TTN: variants seen among roughly 807,000 people sequenced by gnomAD.
TTN encodes connectin.
A neutral mutation model predicts 3,223.0 loss-of-function variants in TTN; 1,525 were observed. That is an observed-to-expected ratio of 0.47 (90% confidence interval 0.45 to 0.49). The LOEUF (loss-of-function observed/expected upper bound fraction) is 0.49, where lower values mean the gene tolerates loss of function less well. Among genes scored for constraint, TTN ranks in the 20% least tolerant of loss-of-function variants. The probability of loss-of-function intolerance (pLI) is 0.00; values close to 1 mark genes in which losing one functional copy is unlikely to be tolerated. For missense variants in TTN, 40,786 were observed against 43,424.0 expected (o/e 0.94, Z 5.40); for synonymous variants, 14,094 against 15,161.0 (o/e 0.93, Z 5.17).
chr2:178,649,923 T>C, intron 210 of TTN, 29 bp from the exon 211 acceptor site: 1 of 1,594,800 alleles, frequency 6.3e-7, no homozygotes, highest in Non-Finnish European at 8.5e-7. Context: ...CTTTTAGAAT[T>C]AGGTGATTAC....
Position 178,730,307 on chromosome 2 carries a change from T to A in TTN, c.18093A>T (p.Leu6031Phe), listed in dbSNP as rs775101958. Residue 6031 changes from leucine to phenylalanine, a missense_variant, in exon 62 of 363, where the codon TTA (leucine) becomes TTT (phenylalanine). Physicochemically the swap from Leu to Phe is conservative, Grantham distance 22. Coordinates refer to ENST00000589042, the MANE Select transcript of TTN (RefSeq NM_001267550.2). ...QDVNPNTRVQ[L>F]KALVGGTAPM... ...GTGCAGTGCCACCCACAAGAGCCTT[T>A]AACTGTACCCTTGTGTTGGGATTGA... The A allele has an allele frequency of 6.2e-7, 1 of 1,611,910 alleles. No individual in the cohort carries two copies. Among genetic ancestry groups the A allele is most frequent in the South Asian group, 1.1e-5 (1 of 90,768 alleles).
chr2:178,581,917 C>G lies in TTN; in HGVS notation c.66452G>C (p.Arg22151Pro), dbSNP rs781750042. 3 of 1,613,058 alleles carry G rather than the reference C, an allele frequency of 1.9e-6. No homozygotes were observed. Among genetic ancestry groups the G allele is most frequent in the South Asian group, 1.1e-5 (1 of 91,044 alleles). ...TCATGAACACTTACACTGAGGGTCC[C>G]GAGCATAAGCGGCCTTGGATGCGTC... ...PSDASKAAYA[R>P]DPQYPPGPPA... is the part of the protein sequence containing the mutation. The change falls in exon 315 of 363, where the codon CGG becomes CCG. Residue 22151 changes from arginine (R) to proline (P), a missense_variant. Coordinates refer to ENST00000589042, the MANE Select transcript of TTN (RefSeq NM_001267550.2).
Position 178,696,036 on chromosome 2 carries a change from C to T in TTN, c.31036G>A (p.Glu10346Lys). ...TTTTTAGCTTCTACCTTAATCTCTT[C>T]ATAGTCTTCATCTGGTTCTTCATAA... ...PYYEEPDEDY[E>K]EIKVEAKKEV... The change falls in exon 114 of 363, where the codon GAA becomes AAA. Residue 10346 changes from glutamate to lysine, a missense_variant. Coordinates refer to ENST00000589042, the MANE Select transcript of TTN (RefSeq NM_001267550.2). 2 of 1,550,936 alleles carry T rather than the reference C, an allele frequency of 1.3e-6. No homozygotes were observed. The highest frequency in any genetic ancestry group is 1.7e-6 in the Non-Finnish European group (2 of 1,146,556).
chr2:178,778,278 T>C, intron 24 of TTN: 1 of 357,286 alleles, frequency 2.8e-6, no homozygotes, highest in South Asian at 3.3e-5. Context: ...AATCAGTCAC[T>C]AGACTTTTTT....
At position 178,578,009 on chromosome 2, in the gene TTN, C is replaced by T. The variant is rs1422284948; in HGVS notation, c.68506G>A (p.Val22836Ile). The change falls in exon 322 of 363, where the codon GTT (valine) becomes ATT (isoleucine). Residue 22836 changes from valine (V) to isoleucine (I), a missense_variant. Val to Ile is a conservative substitution (Grantham distance 29, BLOSUM62 3). Coordinates refer to ENST00000589042, the MANE Select transcript of TTN (RefSeq NM_001267550.2). ...TTACCAATTGGGTCCAGTGCCACAA[C>T]AGGCTCTGATGGTAGGCTTGGCTTG... is the stretch of plus-strand genomic sequence containing the variant. ...VGKPSLPSEPVVALDPIDPPG... is the reference protein window; with the variant it reads ...VGKPSLPSEPIVALDPIDPPG... 5 of 1,613,056 alleles carry T rather than the reference C, an allele frequency of 3.1e-6. No individual in the cohort carries two copies. Among genetic ancestry groups the T allele is most frequent in the Middle Eastern group, 1.7e-4 (1 of 6,046 alleles).
chr2:178,769,099 G>T (rs1222248053), intron 37 of TTN, among the ~76,000 whole-genome samples, 166 bp from the exon 38 acceptor site: 2 of 151,938 alleles, frequency 1.3e-5, no homozygotes, highest in Non-Finnish European at 2.9e-5. Flanking sequence ...ACAGGACAGT[G>T]CCAACTCACA....
Position 178,790,004 on chromosome 2 carries a change from C to T in TTN, c.1912G>A (p.Glu638Lys). Reference sequence around the variant, plus strand: ...TTCTCCTGAGTTATTTGCACTTGTTCTCTTTTGGTAGTAATGCCTTCTCTA... The same window carrying T: ...TTCTCCTGAGTTATTTGCACTTGTTTTCTTTTGGTAGTAATGCCTTCTCTA... ...RGREGITTKREQVQITQEKMR... is the reference protein window; with the variant it reads ...RGREGITTKRKQVQITQEKMR... Residue 638 changes from glutamate (E) to lysine (K), a missense_variant, in exon 12 of 363, where the codon GAA becomes AAA. Physicochemically the swap from Glu to Lys is moderately conservative, Grantham distance 56. Transcript: ENST00000589042. 1 of 1,613,030 alleles carries T rather than the reference C, an allele frequency of 6.2e-7. No homozygotes were observed. Among genetic ancestry groups the T allele is most frequent in the South Asian group, 1.1e-5 (1 of 91,056 alleles).
rs1375428423 is a variant in TTN at position 178,593,416 on chromosome 2, C to T, written c.58792G>A (p.Val19598Ile). The change falls in exon 299 of 363, where the codon GTA becomes ATA. Residue 19598 changes from valine (V) to isoleucine (I), a missense_variant. By Grantham distance (29) the Val-to-Ile change is conservative (BLOSUM62 3). Coordinates refer to ENST00000589042, the MANE Select transcript of TTN (RefSeq NM_001267550.2). ...CCATCATGTGGCTTATTCCAGGTTA[C>T]TAATGCAGAGTCTTTGGTAACTTCT... The part of the protein sequence containing the change: ...VTEVTKDSAL[V>I]TWNKPHDGGK... 1 of 1,613,314 alleles carries T rather than the reference C, an allele frequency of 6.2e-7. No individual in the cohort carries two copies. Among genetic ancestry groups the T allele is most frequent in the Non-Finnish European group, 8.5e-7 (1 of 1,179,568 alleles).
intron 37 of TTN, 71 bp from the exon 38 acceptor site, chr2:178,769,004 G>T: frequency 6.4e-7 from 1 of 1,572,514 alleles, no homozygotes; most frequent in Non-Finnish European, 8.7e-7. Context: ...AACAGGTGCA[G>T]AATAAAAATT....
In TTN at chr2:178,617,860, A is replaced by G. The variant is rs1254678591; in HGVS notation, c.47491T>C (p.Phe15831Leu). ...TDVVEGQEYS[F>L]RVRAQNRIGV... ...ATTCGATTTTGGGCTCTCACTCGGA[A>G]ACTGTACTCCTGTCCTTCTACCACA... Residue 15831 changes from phenylalanine (F) to leucine (L), a missense_variant, in exon 253 of 363, where the codon TTC (phenylalanine) becomes CTC (leucine). By Grantham distance (22) the Phe-to-Leu change is conservative. Coordinates refer to ENST00000589042, the MANE Select transcript of TTN (RefSeq NM_001267550.2). 6.2e-7 allele frequency: 1 copy of G among 1,612,612 alleles called. No homozygotes were observed. Among genetic ancestry groups the G allele is most frequent in the Admixed American group, 1.7e-5 (1 of 59,914 alleles).
Position 178,680,259 on chromosome 2 carries a change from A to C in TTN, c.33413T>G (p.Val11138Gly), listed in dbSNP as rs2069049737. The C allele has an allele frequency of 1.2e-6, 2 of 1,612,198 alleles. No individual in the cohort carries two copies. Among genetic ancestry groups the C allele is most frequent in the East Asian group, 4.5e-5 (2 of 44,860 alleles). ...PVPRKEVAPP[V>G]RVPEVPKELE... ...AAATGAGTGCCATTAGGTACCTCTA[A>C]CAGGTGGTGCTACTTCTTTTCTAGG... Residue 11138 changes from valine (V) to glycine (G), a missense_variant, in exon 139 of 363, where the codon GTT becomes GGT. Val to Gly is a moderately radical substitution (Grantham distance 109). Transcript: ENST00000589042.
At position 178,702,741 on chromosome 2, in the gene TTN, TA is replaced by T. The variant is rs908666199; in HGVS notation, c.30224-79del. On this transcript the variant is annotated intron_variant, in intron 106 of 362. Transcript: ENST00000589042. The stretch of plus-strand genomic sequence containing the variant: ...TTTACTTGCTTTTACCTCAGATACT[TA>T]AAATCTCCATCTTTGTACCCAGTTA... The T allele has an allele frequency of 2.2e-6, 3 of 1,378,760 alleles. No individual in the cohort carries two copies. In the African/African-American group the frequency reaches 4.4e-5, roughly 20 times the overall value. 85.4% of individuals were successfully genotyped at this position (1,378,760 alleles called of 1,614,324 possible). A position where few individuals can be genotyped will look rare whatever the true frequency, so the allele number is the denominator to read the frequency against.
rs2154172514 is a variant in TTN, at chr2:178,575,749, T to TATCA, written c.70379_70382dup (p.Gly23463ArgfsTer15). 6.2e-7 allele frequency: 1 copy of TATCA among 1,613,520 alleles called. No homozygotes were observed. The highest frequency in any genetic ancestry group is 2.2e-5 in the East Asian group (1 of 44,790). ...AGTTTGTTATACGTGAGCCTCCATC[T>TATCA]ATCAGAGGGAGGTCCCAGTGCAGGG... On this transcript the variant is annotated frameshift_variant, in exon 326 of 363. Transcript: ENST00000589042. LOFTEE classifies it high-confidence loss of function. This position sits in a 1 kb window ranked among gnomAD's most constrained non-coding sequence, Gnocchi z 4.0.
In TTN at chr2:178,602,145, G is replaced by A. The variant is rs1341314723; in HGVS notation, c.55126C>T (p.Pro18376Ser). ...EIPATDIQEE[P>S]EVFIDIGAQD... The stretch of plus-strand genomic sequence containing the variant: ...GCTCCAATGTCAATGAAAACTTCTG[G>A]TTCCTCTGTAATACCACATACAATT... Residue 18376 changes from proline to serine, a missense_variant, in exon 284 of 363, where the codon CCA (proline) becomes TCA (serine). Transcript: ENST00000589042. 1.2e-6 allele frequency: 2 copies of A among 1,603,990 alleles called. No homozygotes were observed. Among genetic ancestry groups the A allele is most frequent in the Non-Finnish European group, 1.7e-6 (2 of 1,175,126 alleles).
rs2562838 is a variant in TTN, at chr2:178,714,485, T to C, written c.26289A>G (p.Glu8763=). 409,297 of 1,613,046 alleles carry C rather than the reference T, an allele frequency of 0.25. 63,237 individuals carry two copies. The highest frequency in any genetic ancestry group is 0.65 in the East Asian group (29,090 of 44,840). The change falls in exon 91 of 363, where the codon GAA becomes GAG. Residue 8763 remains glutamate, a synonymous_variant. Transcript: ENST00000589042. ...VQLQTTIEGA[E]PISVVWFKDK... ...CTTTGAACCACACCACTGAAATGGG[T>C]TCAGCGCCTTCAATGGTAGTCTGCA... is the stretch of plus-strand genomic sequence containing the variant.
rs756809007 is a variant in TTN at position 178,572,569 on chromosome 2, G to T, written c.73563C>A (p.Gly24521=). Residue 24521 remains glycine, a synonymous_variant, in exon 326 of 363, where the codon GGC becomes GGA. Transcript: ENST00000589042. ...CTTTTACCTTCAGATCCTGTGGGGG[G>T]CCTGGTGTATCGAGAACTCTAACAT... ...FVNVRVLDTP[G]PPQDLKVKEV... The T allele has an allele frequency of 1.2e-6, 2 of 1,613,310 alleles. No individual in the cohort carries two copies. Among genetic ancestry groups the T allele is most frequent in the Non-Finnish European group, 1.7e-6 (2 of 1,179,614 alleles).
chr2:178,701,450 T>C, intron 110 of TTN, 78 bp downstream of exon 110: 1 of 1,452,588 alleles, frequency 6.9e-7, no homozygotes, highest in East Asian at 2.3e-5. Flanking sequence ...GTTTGGTCGC[T>C]GGTATAAAAT....
In TTN at chr2:178,576,820, G is replaced by A; in HGVS notation, c.69424C>T (p.Pro23142Ser). 1 of 1,608,102 alleles carries A rather than the reference G, an allele frequency of 6.2e-7. No homozygotes were observed. Among genetic ancestry groups the A allele is most frequent in the Non-Finnish European group, 8.5e-7 (1 of 1,178,404 alleles). Residue 23142 changes from proline (P) to serine (S), a missense_variant, in exon 325 of 363, where the codon CCT becomes TCT. Pro to Ser is a moderately conservative substitution (Grantham distance 74). Coordinates refer to ENST00000589042, the MANE Select transcript of TTN (RefSeq NM_001267550.2). This position sits in a 1 kb window ranked among gnomAD's most constrained non-coding sequence, Gnocchi z 4.3. ...TTTGATACCTCTGGTTTTTCAGGAGGGCCAGGGGGACCTGAAAAGGAAGCA... is the reference window on the plus strand; with the variant it reads ...TTTGATACCTCTGGTTTTTCAGGAGAGCCAGGGGGACCTGAAAAGGAAGCA... ...KMVDRFGPPG[P>S]PEKPEVSNVT...
chr2:178,553,444 G>C (rs770645536), intron 334 of TTN, 48 bp from the exon 335 acceptor site: 2 of 1,571,422 alleles, frequency 1.3e-6, no homozygotes, highest in African/African-American at 2.7e-5. Flanking sequence ...AAGCAAAAAA[G>C]AGTGATTTCC....
Sources: gnomAD v4.1 joint callset for allele counts (sites outside exome capture counted in the v4.1 genomes callset) on GRCh38, gnomAD v4.1.1 for gene constraint, Gnocchi (gnomAD v3.1) non-coding constraint, MANE v1.5 for transcripts, NCBI Gene and HGNC (gene_info 2026-07-23, HGNC 2026-07-21) for gene names.